Variants in PCNT observed in about 807,000 individuals in gnomAD.
The protein encoded by PCNT is pericentrin.
PCNT carries 319 observed loss-of-function variants against 380.4 expected under a neutral mutation model. That is an observed-to-expected ratio of 0.84 (90% confidence interval 0.77 to 0.92). The LOEUF (loss-of-function observed/expected upper bound fraction) is 0.92. PCNT is among the 40% of genes least tolerant of loss of function. PCNT has a pLI of 0.00. For synonymous variants in PCNT, 1,845 were observed against 1,735.2 expected (o/e 1.06, Z -1.57); for missense variants, 4,400 against 4,255.3 (o/e 1.03, Z -0.95).
chr21:46,412,055 C>G lies in PCNT; in HGVS notation c.5982C>G (p.Val1994=), dbSNP rs552463011. The G allele has an allele frequency of 3.3e-4, 536 of 1,607,072 alleles. 8 individuals carry two copies. In the South Asian group the frequency reaches 5.6e-3, roughly 17 times the overall value. The stretch of plus-strand genomic sequence containing the variant: ...ATGATGCTGCTTTGGAGCCGGTTGT[C>G]CCTGACCCACAGGTGGGCTCCCCCC... ...ASHDAALEPV[V]PDPQGDLQPV... The change falls in exon 28 of 47, where the codon GTC becomes GTG. Residue 1994 remains valine (V), a synonymous_variant. Coordinates refer to ENST00000359568, the MANE Select transcript of PCNT (RefSeq NM_006031.6).
chr21:46,326,335 C>A, intron 1 of PCNT, 42 bp from the exon 2 acceptor site: 1 of 1,590,942 alleles, frequency 6.3e-7, no homozygotes, highest in South Asian at 1.1e-5. Flanking sequence ...ATTTTTTTCT[C>A]ACTTACCTTT....
intron 45 of PCNT, 89 bp downstream of exon 45, chr21:46,444,037 G>A: frequency 2.8e-6 from 4 of 1,412,030 alleles, no homozygotes; most frequent in Non-Finnish European, 3.9e-6. Flanking sequence ...TTTAGTTCTG[G>A]CTTTGGCCCA....
chr21:46,324,375 CGG>C (rs1936402365), intron 1 of PCNT, 93 bp downstream of exon 1: 2 of 1,120,752 alleles, frequency 1.8e-6, no homozygotes. Flanking sequence ...GGAGAGGACG[CGG>C]TCCGGCGGAA....
chr21:46,428,818 A>G (rs958464217), intron 35 of PCNT, among the ~76,000 whole-genome samples: 15 of 152,064 alleles, frequency 9.9e-5, no homozygotes, highest in African/African-American at 3.1e-4. Context: ...GATGTGGGCA[A>G]GAGGGGCCTG....
intron 29 of PCNT, among the ~76,000 whole-genome samples, chr21:46,413,668 G>A (rs1237769448): frequency 1.3e-5 from 2 of 152,194 alleles, no homozygotes; most frequent in Admixed American, 6.5e-5. Flanking sequence ...CATCGCCCCC[G>A]TGGGCCTCAC....
At chr21:46,410,601 T>C (rs2086754231) in intron 27 of PCNT, among the ~76,000 whole-genome samples, 1 of 152,222 alleles carries the variant, frequency 6.6e-6, no homozygotes, top group South Asian at 2.1e-4. Context: ...TTCCTGTCTT[T>C]AAAGTGGAAA....
chr21:46,351,701 G>A (rs1331698707), intron 9 of PCNT, among the ~76,000 whole-genome samples, 161 bp downstream of exon 9: 1 of 152,214 alleles, frequency 6.6e-6, no homozygotes, highest in African/African-American at 2.4e-5. Flanking sequence ...TGAAAGTGGA[G>A]GTTTGCTTTG....
Position 46,388,857 on chromosome 21 carries a change from G to A in PCNT, c.3580G>A (p.Ala1194Thr), listed in dbSNP as rs35044802. The A allele has an allele frequency of 0.04, 63,892 of 1,608,322 alleles. 1,611 individuals are homozygous for A. Among genetic ancestry groups the A allele is most frequent in the Middle Eastern group, 0.084 (419 of 5,002 alleles). ...GERVGLCLDD[A>T]GAGLALSTAP... The stretch of plus-strand genomic sequence containing the variant: ...GCGCGTGGGGCTCTGCCTGGATGAC[G>A]CGGGCGCAGGCCTGGCCCTGTCGAC... Residue 1194 changes from alanine to threonine, a missense_variant, in exon 18 of 47, where the codon GCG becomes ACG. By Grantham distance (58) the Ala-to-Thr change is moderately conservative. Coordinates refer to ENST00000359568, the MANE Select transcript of PCNT (RefSeq NM_006031.6). This position sits in a 1 kb window ranked among gnomAD's most constrained non-coding sequence, Gnocchi z 4.2.
At chr21:46,428,670 C>T in intron 35 of PCNT, 80 bp downstream of exon 35, 1 of 1,278,296 alleles carries the variant, frequency 7.8e-7, no homozygotes, top group East Asian at 2.5e-5. Flanking sequence ...GCCTTGGGAG[C>T]AGAGGGTGGT....
rs149982553 is a variant in PCNT at position 46,430,179 on chromosome 21, C to G, written c.7860C>G (p.Ser2620Arg). The G allele has an allele frequency of 6.2e-7, 1 of 1,614,062 alleles. No homozygotes were observed. The highest frequency in any genetic ancestry group is 1.1e-5 in the South Asian group (1 of 91,078). ...KSDLCESRQK[S>R]EQLSRSLCEV... ...ACCTCTGTGAGAGCAGGCAGAAGAG[C>G]GAACAGCTGTCCCGGTCCCTCTGCG... is the stretch of plus-strand genomic sequence containing the variant. Residue 2620 changes from serine (S) to arginine (R), a missense_variant, in exon 36 of 47, where the codon AGC becomes AGG. Transcript: ENST00000359568.
In PCNT at chr21:46,440,228, A is replaced by G. The variant is rs765243914; in HGVS notation, c.9393+26A>G. The G allele has an allele frequency of 5.0e-6, 8 of 1,612,948 alleles. No homozygotes were observed. The South Asian group carries it at 7.7e-5, about 15-fold the overall frequency. On this transcript the variant is annotated intron_variant, in intron 42 of 46. Coordinates refer to ENST00000359568, the MANE Select transcript of PCNT (RefSeq NM_006031.6). ...GTAGGAACGGTGCCACGAGTATAGA[A>G]CTTTGGTGCTTTTTTAAGTCCTGGG...
In PCNT at chr21:46,436,158, C is replaced by G. The variant is rs748036380; in HGVS notation, c.8996+10C>G. 79 of 1,604,428 alleles carry G rather than the reference C, an allele frequency of 4.9e-5. No individual in the cohort carries two copies. Among genetic ancestry groups the G allele is most frequent in the Non-Finnish European group, 6.1e-5 (72 of 1,179,716 alleles). On this transcript the variant is annotated intron_variant, in intron 39 of 46. Coordinates refer to ENST00000359568, the MANE Select transcript of PCNT (RefSeq NM_006031.6). ...GCCAGGCCGTGGACAGGTGTGCACCCACGCCACCTGGCGCTCACTGGTCCC... is the reference window on the plus strand; with the variant it reads ...GCCAGGCCGTGGACAGGTGTGCACCGACGCCACCTGGCGCTCACTGGTCCC...
At chr21:46,432,310 G>A (rs888435053) in intron 38 of PCNT, 95 bp downstream of exon 38, 10 of 1,246,076 alleles carry the variant, frequency 8.0e-6, no homozygotes, top group Admixed American at 5.9e-5. Flanking sequence ...TTTATGTCTG[G>A]CCCTCTGACC....
chr21:46,425,111 T>A lies in PCNT; in HGVS notation c.7180-720T>A, dbSNP rs933548122. On this transcript the variant is annotated intron_variant, in intron 32 of 46. Transcript: ENST00000359568. The surrounding 1 kb of genome is among the most constrained non-coding windows in gnomAD (Gnocchi z 4.2). ...GCTTGGGTGTGTGCTCATGTGGTGG[T>A]GACCGCGCTGAGCCTCTGGGCTCTG... Among the ~76,000 whole-genome samples the A allele has an allele frequency of 2.6e-5, 4 of 152,148 alleles. No individual in the cohort carries two copies. The highest frequency in any genetic ancestry group is 4.4e-5 in the Non-Finnish European group (3 of 68,004).
chr21:46,349,691 T>C lies in PCNT; in HGVS notation c.1215T>C (p.Leu405=), dbSNP rs1397652884. 3.7e-6 allele frequency: 6 copies of C among 1,613,740 alleles called. No homozygotes were observed. The highest frequency in any genetic ancestry group is 2.7e-5 in the African/African-American group (2 of 74,966). ...FQDKNQAERA[L]RNLESHHQAA... is the part of the protein sequence containing the mutation. Reference sequence around the variant, plus strand: ...ATTGCTTTACCTTTCTAGGGGCCCTTAGGAACCTGGAGAGTCATCATCAAG... The same window carrying C: ...ATTGCTTTACCTTTCTAGGGGCCCTCAGGAACCTGGAGAGTCATCATCAAG... The change falls in exon 8 of 47, where the codon CTT becomes CTC. Residue 405 remains leucine, a synonymous_variant. Coordinates refer to ENST00000359568, the MANE Select transcript of PCNT (RefSeq NM_006031.6).
intron 14 of PCNT, among the ~76,000 whole-genome samples, chr21:46,364,474 C>T (rs80016141): frequency 0.047 from 7,177 of 152,296 alleles, 221 homozygotes; most frequent in Non-Finnish European, 0.063. Flanking sequence ...TGTTGTTCTT[C>T]GTGTGTTTTA....
chr21:46,435,668 G>A (rs999756834), intron 38 of PCNT, among the ~76,000 whole-genome samples: 19 of 151,838 alleles, frequency 1.3e-4, no homozygotes, highest in African/African-American at 3.9e-4. Context: ...TCATCCTCTC[G>A]AGTAGCTGGG....
Position 46,353,990 on chromosome 21 carries a change from GT to G in PCNT, c.1684del (p.Ser562ProfsTer5). 6.2e-7 allele frequency: 1 copy of G among 1,613,404 alleles called. No individual in the cohort carries two copies. The highest frequency in any genetic ancestry group is 8.5e-7 in the Non-Finnish European group (1 of 1,179,310). ...ALLDSVEVGL[S>X]CVGLEEKPEK... ...TTATAAAATGTTTTCCCTTCAGGTT[GT>G]CCTGTGTGGGTTTAGAAGAGAAACC... On this transcript the variant is annotated frameshift_variant, in exon 11 of 47. Coordinates refer to ENST00000359568, the MANE Select transcript of PCNT (RefSeq NM_006031.6). LOFTEE classifies it high-confidence loss of function.
At chr21:46,426,708 C>T (rs928648085) in intron 33 of PCNT, among the ~76,000 whole-genome samples, 3 of 152,224 alleles carry the variant, frequency 2.0e-5, no homozygotes, top group African/African-American at 7.2e-5. Context: ...CTGTCGACCC[C>T]GCACCCCACT....
Sources: allele counts gnomAD v4.1 joint callset (sites outside exome capture counted in the v4.1 genomes callset), GRCh38; gene constraint gnomAD v4.1.1; non-coding constraint Gnocchi (gnomAD v3.1); transcripts MANE v1.5; gene names NCBI Gene and HGNC (gene_info 2026-07-23, HGNC 2026-07-21).